The following CNTNAP2 variants were observed in gnomAD, a reference collection of about 807,000 sequenced individuals.
CNTNAP2 encodes the protein contactin-associated protein-like 2.
CNTNAP2 carries 98 observed loss-of-function variants against 155.2 expected under a neutral mutation model. That is an observed-to-expected ratio of 0.63 (90% CI 0.54 to 0.75). The LOEUF (loss-of-function observed/expected upper bound fraction) is 0.75. Among genes scored for constraint, CNTNAP2 ranks in the 30% least tolerant of loss-of-function variants. The pLI is 0.00. For missense variants in CNTNAP2, 1,727 were observed against 1,688.1 expected (o/e 1.02, Z -0.40); for synonymous variants, 651 against 631.2 (o/e 1.03, Z -0.47).
intron 1 of CNTNAP2, among the ~76,000 whole-genome samples, chr7:146,245,214 G>A (rs1799625504): frequency 6.6e-6 from 1 of 152,088 alleles, no homozygotes; most frequent in African/African-American, 2.4e-5. Flanking sequence ...GTGGATCAGA[G>A]AGATACAGTC....
intron 10 of CNTNAP2, among the ~76,000 whole-genome samples, chr7:147,430,112 G>C (rs138418750): frequency 6.6e-6 from 1 of 152,176 alleles, no homozygotes; most frequent in Non-Finnish European, 1.5e-5. Context: ...GTCAAAGCAG[G>C]AAATAGATAT....
intron 10 of CNTNAP2, among the ~76,000 whole-genome samples, chr7:147,466,644 C>G (rs1371196169): frequency 1.3e-5 from 2 of 152,150 alleles, no homozygotes; most frequent in East Asian, 3.9e-4. Flanking sequence ...AAAATTTATG[C>G]AGTGGCTCAT....
chr7:148,195,602 C>T lies in CNTNAP2; in HGVS notation c.3011-21686C>T, dbSNP rs138113467. On this transcript the variant is annotated intron_variant, in intron 18 of 23. Transcript: ENST00000361727. ...TTTGTGTCTTTGGGCAATGAAATACCGCAAAGACTTTTTCTACCTATGCTT... is the reference window on the plus strand; with the variant it reads ...TTTGTGTCTTTGGGCAATGAAATACTGCAAAGACTTTTTCTACCTATGCTT... Among the ~76,000 whole-genome samples, 557 of 152,128 alleles carry T rather than the reference C, an allele frequency of 3.7e-3. 4 individuals are homozygous for T. Among genetic ancestry groups the T allele is most frequent in the African/African-American group, 0.012 (517 of 41,478 alleles).
chr7:147,239,473 G>A lies in CNTNAP2; in HGVS notation c.1349-60668G>A, dbSNP rs1290126973. Reference sequence around the variant, plus strand: ...TGCAGTGAGCTGAGATTGCGCCACTGCACTCCAGCCTGGGCAATAGAGCGA... The same window carrying A: ...TGCAGTGAGCTGAGATTGCGCCACTACACTCCAGCCTGGGCAATAGAGCGA... On this transcript the variant is annotated intron_variant, in intron 8 of 23. Transcript: ENST00000361727. 2.0e-5 allele frequency among the ~76,000 whole-genome samples: 3 copies of A among 146,584 alleles called. No individual in the cohort carries two copies. In the East Asian group the frequency reaches 6.0e-4, roughly 29 times the overall value.
intron 4 of CNTNAP2, among the ~76,000 whole-genome samples, chr7:147,060,900 G>A (rs1414425904): frequency 1.3e-5 from 2 of 151,766 alleles, no homozygotes; most frequent in Non-Finnish European, 2.9e-5. Flanking sequence ...AAAAAACTGC[G>A]CAAAAATTAC....
rs550758127 is a variant in CNTNAP2 at position 146,732,997 on chromosome 7, G to T, written c.98-41274G>T. Among the ~76,000 whole-genome samples the T allele has an allele frequency of 2.6e-5, 4 of 152,166 alleles. No individual in the cohort carries two copies. The South Asian group carries it at 8.3e-4, about 32-fold the overall frequency. On this transcript the variant is annotated intron_variant, in intron 1 of 23. Transcript: ENST00000361727. ...AAAGTGTGACTGTGTATGTATAAAAGAAACTACATTTTCAAAAGTTGATAT... is the reference window on the plus strand; with the variant it reads ...AAAGTGTGACTGTGTATGTATAAAATAAACTACATTTTCAAAAGTTGATAT...
chr7:148,349,648 G>T (rs566431620), intron 21 of CNTNAP2, among the ~76,000 whole-genome samples: 2 of 152,050 alleles, frequency 1.3e-5, no homozygotes, highest in African/African-American at 4.8e-5. Context: ...TGATCCGCCC[G>T]TCTCAGCCTC....
At chr7:148,183,643 T>G (rs1795074067) in intron 18 of CNTNAP2, among the ~76,000 whole-genome samples, 2 of 151,772 alleles carry the variant, frequency 1.3e-5, no homozygotes. Flanking sequence ...TACCATACCC[T>G]GCTAAGTTTT....
chr7:148,322,375 T>G lies in CNTNAP2; in HGVS notation c.3475+55249T>G, dbSNP rs73154510. Among the ~76,000 whole-genome samples the G allele has an allele frequency of 5.3e-3, 804 of 152,296 alleles. 1 individual carries two copies. Among genetic ancestry groups the G allele is most frequent in the Non-Finnish European group, 8.5e-3 (575 of 68,020 alleles). On this transcript the variant is annotated intron_variant, in intron 21 of 23. Transcript: ENST00000361727. The stretch of plus-strand genomic sequence containing the variant: ...CTGAGGGAAACTCGAGAAACAAGTG[T>G]AATAAGAAATATTCCCGCTAGAGCA...
chr7:147,734,208 G>GA (rs1796797412), intron 13 of CNTNAP2, among the ~76,000 whole-genome samples: 1 of 152,118 alleles, frequency 6.6e-6, no homozygotes, highest in Non-Finnish European at 1.5e-5. Flanking sequence ...CTAATTTATT[G>GA]AGAGTTTTTA....
intron 1 of CNTNAP2, among the ~76,000 whole-genome samples, chr7:146,761,074 C>T (rs1489084186): frequency 6.6e-6 from 1 of 152,040 alleles, no homozygotes; most frequent in Non-Finnish European, 1.5e-5. Flanking sequence ...CCTTTTTGCT[C>T]ATCTGTTCTG....
chr7:146,712,612 C>T (rs1801116544), intron 1 of CNTNAP2, among the ~76,000 whole-genome samples: 1 of 149,610 alleles, frequency 6.7e-6, no homozygotes. Context: ...TGTTTCTTTT[C>T]TTTCAAAAAA....
intron 3 of CNTNAP2, among the ~76,000 whole-genome samples, chr7:146,909,171 A>C (rs1796217974): frequency 6.6e-6 from 1 of 151,962 alleles, no homozygotes; most frequent in Admixed American, 6.6e-5. Context: ...ATAGTTTACC[A>C]ACCAAAAAGA....
intron 1 of CNTNAP2, among the ~76,000 whole-genome samples, chr7:146,619,275 A>C (rs993876762): frequency 1.3e-5 from 2 of 152,124 alleles, no homozygotes; most frequent in Non-Finnish European, 2.9e-5. Flanking sequence ...ATTAAACCCA[A>C]ATGGTGAATT....
chr7:147,987,730 T>C (rs927498264), intron 15 of CNTNAP2, among the ~76,000 whole-genome samples: 11 of 152,222 alleles, frequency 7.2e-5, no homozygotes, highest in Admixed American at 6.5e-4. Flanking sequence ...AGTCTTGCTC[T>C]GTTGCCCAGG....
chr7:146,395,816 G>C (rs55923029), intron 1 of CNTNAP2, among the ~76,000 whole-genome samples: 3,985 of 141,336 alleles, frequency 0.028, 177 homozygotes, highest in African/African-American at 0.11. Context: ...TAGATAGATA[G>C]ATAGATAGAG....
chr7:146,341,089 G>C (rs1801375205), intron 1 of CNTNAP2, among the ~76,000 whole-genome samples: 1 of 152,056 alleles, frequency 6.6e-6, no homozygotes, highest in Admixed American at 6.6e-5. Context: ...AGTTATTAAA[G>C]TGAACTTATC....
intron 3 of CNTNAP2, among the ~76,000 whole-genome samples, chr7:146,917,040 G>T (rs1483008154): frequency 1.3e-5 from 2 of 152,106 alleles, no homozygotes; most frequent in Non-Finnish European, 1.5e-5. Context: ...TCAGTTCAAA[G>T]AAATTTTTAA....
chr7:146,700,074 G>A (rs1258891575), intron 1 of CNTNAP2, among the ~76,000 whole-genome samples: 1 of 152,162 alleles, frequency 6.6e-6, no homozygotes, highest in East Asian at 1.9e-4. Context: ...TTTAACTGAA[G>A]AACTTGGTAG....
Sources: allele counts gnomAD v4.1 joint callset (sites outside exome capture counted in the v4.1 genomes callset), GRCh38; gene constraint gnomAD v4.1.1; transcripts MANE v1.5; gene names NCBI Gene and HGNC (gene_info 2026-07-23, HGNC 2026-07-21).